HSP90AA1: variants seen among roughly 807,000 people sequenced by gnomAD.
HSP90AA1 encodes the protein heat shock protein HSP 90-alpha.
HSP90AA1 carries 18 observed loss-of-function variants against 73.3 expected under a neutral mutation model. The observed-to-expected ratio is 0.25, with a 90% CI of 0.17 to 0.36. The LOEUF is 0.36. Ranked by LOEUF, HSP90AA1 falls within the 10% of genes least tolerant of loss-of-function variation. The pLI, the probability that HSP90AA1 is intolerant of heterozygous loss-of-function variation, is 1.00. For missense variants in HSP90AA1, 704 were observed against 874.2 expected, an observed-to-expected ratio of 0.81 and a Z score of 2.45; for synonymous variants, 477 against 296.9, an observed-to-expected ratio of 1.61 and a Z score of -6.24.
rs935447873 is a variant in HSP90AA1, at chr14:102,102,004, G to C, written c.237C>G (p.Leu79=). Residue 79 remains leucine, a synonymous_variant, in exon 2 of 12, where the codon CTC becomes CTG. Transcript: ENST00000334701. ...CGTGGAAGGGCTGTTTCCAGAGACA[G>C]AGTAGAGTGGTGGATCCAGACACCA... is the stretch of plus-strand genomic sequence containing the variant. 4 of 1,614,172 alleles carry C rather than the reference G, an allele frequency of 2.5e-6. No homozygotes were observed. In the South Asian group the frequency reaches 4.4e-5, roughly 18 times the overall value.
At chr14:102,084,652 C>G (rs2049179651) in intron 5 of HSP90AA1, 29 bp downstream of exon 5, 4 of 1,613,936 alleles carry the variant, frequency 2.5e-6, no homozygotes, top group Non-Finnish European at 3.4e-6. Context: ...AATCTAAGGA[C>G]AAGCTTGAAG....
At chr14:102,131,789 C>A (rs969231434) in intron 1 of HSP90AA1, among the ~76,000 whole-genome samples, 1 of 152,222 alleles carries the variant, frequency 6.6e-6, no homozygotes, top group Non-Finnish European at 1.5e-5. Flanking sequence ...GTGCTGATCA[C>A]TACATGATGT....
intron 1 of HSP90AA1, among the ~76,000 whole-genome samples, chr14:102,130,775 G>C (rs2049898657): frequency 6.6e-6 from 1 of 152,146 alleles, no homozygotes; most frequent in Non-Finnish European, 1.5e-5. Context: ...TGTTGCCCAG[G>C]CTGGAGTGTA....
intron 2 of HSP90AA1, among the ~76,000 whole-genome samples, chr14:102,094,366 G>A (rs577648818): frequency 5.9e-5 from 9 of 152,340 alleles, no homozygotes; most frequent in African/African-American, 2.2e-4. Context: ...TCCAGGCCCT[G>A]GGTCAAAGTG....
chr14:102,088,042 G>T (rs967762123), upstream of HSP90AA1, among the ~76,000 whole-genome samples: 5 of 146,540 alleles, frequency 3.4e-5, no homozygotes, highest in East Asian at 8.1e-4. Flanking sequence ...GACCCTCCCG[G>T]GCTCAGGTGA....
At chr14:102,102,029 A>G (rs529166241) in exon 2 of HSP90AA1, 1 of 1,614,138 alleles carries the variant, frequency 6.2e-7, no homozygotes, top group Admixed American at 1.7e-5. Flanking sequence ...TCCAGACACC[A>G]TCAGATGCCA....
In HSP90AA1 at chr14:102,086,087, G is replaced by C; in HGVS notation, c.200C>G (p.Pro67Arg). 5 of 1,613,840 alleles carry C rather than the reference G, an allele frequency of 3.1e-6. No individual in the cohort carries two copies. The highest frequency in any genetic ancestry group is 4.2e-6 in the Non-Finnish European group (5 of 1,179,872). Residue 67 changes from proline to arginine, a missense_variant, in exon 3 of 11, where the codon CCC becomes CGC. Pro to Arg is a moderately radical substitution (Grantham distance 103, BLOSUM62 -2). Transcript: ENST00000216281. Reference sequence around the variant, plus strand: ...CTCTTTCCCAGAGTCTAATTTACTGGGATCTGTCAAGCTTTCATACCGGAT... The same window carrying C: ...CTCTTTCCCAGAGTCTAATTTACTGCGATCTGTCAAGCTTTCATACCGGAT... The part of the protein sequence containing the change: ...DKIRYESLTD[P>R]SKLDSGKELH...
chr14:102,087,738 A>G (rs1436841515), upstream of HSP90AA1, among the ~76,000 whole-genome samples: 9 of 151,918 alleles, frequency 5.9e-5, no homozygotes, highest in Admixed American at 3.3e-4. Flanking sequence ...AGCGCTCCCT[A>G]CTTTTGGGTT....
In HSP90AA1 at chr14:102,103,819, A is replaced by G. The variant is rs147702378; in HGVS notation, c.156-1734T>C. Among the ~76,000 whole-genome samples, 6 of 151,964 alleles carry G rather than the reference A, an allele frequency of 3.9e-5. No individual in the cohort carries two copies. The East Asian group carries it at 1.2e-3, about 29-fold the overall frequency. ...AACTCCGTCTCAAAACAAAAAAAAA[A>G]AAACAAAAACCCATCTCTACAAAAA... On this transcript the variant is annotated intron_variant, in intron 1 of 11. Coordinates refer to the HSP90AA1 transcript ENST00000334701.
chr14:102,137,074 T>C (rs1366173794), intron 1 of HSP90AA1, among the ~76,000 whole-genome samples: 3 of 151,164 alleles, frequency 2.0e-5, no homozygotes, highest in Admixed American at 1.3e-4. Context: ...ATTAGCTGGG[T>C]GTGGTGGCAT....
intron 1 of HSP90AA1, among the ~76,000 whole-genome samples, chr14:102,104,207 T>C (rs1278937157): frequency 6.6e-6 from 1 of 152,016 alleles, no homozygotes; most frequent in Non-Finnish European, 1.5e-5. Flanking sequence ...TTGGGGTACA[T>C]GTGATATATT....
At chr14:102,096,800 A>G (rs2049431141) in intron 2 of HSP90AA1, among the ~76,000 whole-genome samples, 1 of 152,162 alleles carries the variant, frequency 6.6e-6, no homozygotes, top group East Asian at 1.9e-4. Flanking sequence ...TGGGGCCTCC[A>G]GTTGGAAATG....
At chr14:102,134,192 G>A (rs2049948175) in intron 1 of HSP90AA1, among the ~76,000 whole-genome samples, 5 of 151,032 alleles carry the variant, frequency 3.3e-5, no homozygotes, top group Non-Finnish European at 5.9e-5. Flanking sequence ...ACAAAAATTA[G>A]CTGGGCACGG....
intron 1 of HSP90AA1, among the ~76,000 whole-genome samples, chr14:102,117,953 C>T (rs904491270): frequency 6.6e-6 from 1 of 152,166 alleles, no homozygotes; most frequent in Non-Finnish European, 1.5e-5. Context: ...CTTGCGATGT[C>T]CCTGGTCCAG....
rs775875954 is a variant in HSP90AA1 at position 102,084,911 on chromosome 14, CTT to C, written c.749_750del (p.Lys250ArgfsTer7). The C allele has an allele frequency of 2.5e-6, 4 of 1,581,718 alleles. No homozygotes were observed. Among genetic ancestry groups the C allele is most frequent in the Non-Finnish European group, 8.7e-7 (1 of 1,151,110 alleles). ...TCAATTTCAGGTTTGTCTTCCGACT[CTT>C]TCTCTTCTTTTTCTTTTTCTTCTTC... ...DKEEEKEKEE[K>X]ESEDKPEIED... On this transcript the variant is annotated frameshift_variant, in exon 5 of 11. Transcript: ENST00000216281. LOFTEE classifies it high-confidence loss of function.
At chr14:102,082,946 T>C in intron 9 of HSP90AA1, 88 bp downstream of exon 9, 1 of 1,369,658 alleles carries the variant, frequency 7.3e-7, no homozygotes, top group Non-Finnish European at 1.0e-6. Flanking sequence ...CTGTTTTAAG[T>C]TGAAAACATG....
intron 1 of HSP90AA1, among the ~76,000 whole-genome samples, chr14:102,107,568 C>T (rs936673794): frequency 2.6e-5 from 4 of 152,072 alleles, no homozygotes; most frequent in Non-Finnish European, 5.9e-5. Flanking sequence ...CATGATCCAC[C>T]TGCCTTGGCC....
Position 102,099,719 on chromosome 14 carries a change from T to C in HSP90AA1, c.366+2156A>G, listed in dbSNP as rs1009300795. ...TTACGAAGGCCAGTGGCTGATGTTC[T>C]TACTAAGTGAGAAGGTGGACGCTTC... is the stretch of plus-strand genomic sequence containing the variant. On this transcript the variant is annotated intron_variant, in intron 2 of 11. Transcript: ENST00000334701. Among the ~76,000 whole-genome samples, 3 of 152,218 alleles carry C rather than the reference T, an allele frequency of 2.0e-5. No individual in the cohort carries two copies. The South Asian group carries it at 6.2e-4, about 31-fold the overall frequency.
Position 102,084,419 on chromosome 14 carries a change from T to C in HSP90AA1, c.1127A>G (p.Glu376Gly), listed in dbSNP as rs775185616. 4 of 1,612,794 alleles carry C rather than the reference T, an allele frequency of 2.5e-6. No homozygotes were observed. Residue 376 changes from glutamate to glycine, a missense_variant, in exon 6 of 11, where the codon GAG becomes GGG. Transcript: ENST00000216281. Reference sequence around the variant, plus strand: ...CTTACTCAGATATTCAGGGATTAGCTCCTCACAGTTATCCATGATGAAAAC... The same window carrying C: ...CTTACTCAGATATTCAGGGATTAGCCCCTCACAGTTATCCATGATGAAAAC... ...RRVFIMDNCE[E>G]LIPEYLNFIR...
Sources: allele counts gnomAD v4.1 joint callset (sites outside exome capture counted in the v4.1 genomes callset), GRCh38; gene constraint gnomAD v4.1.1; transcripts MANE v1.5; gene names NCBI Gene and HGNC (gene_info 2026-07-23, HGNC 2026-07-21).